The following KCNU1 variants were observed in gnomAD, a reference collection of about 807,000 sequenced individuals.
KCNU1 encodes the protein potassium calcium-activated channel subfamily U member 1.
In KCNU1, 93 loss-of-function variants were observed where a neutral mutation model predicts 126.8. The ratio of observed to expected loss-of-function variants is 0.73; its 90% CI spans 0.62 to 0.87. The LOEUF is 0.87. KCNU1 is among the 40% of genes least tolerant of loss of function. The pLI is 0.00. For missense variants in KCNU1, 1,330 were observed against 1,367.1 expected (o/e 0.97, Z 0.43); for synonymous variants, 523 against 494.2 (o/e 1.06, Z -0.77).
intron 10 of KCNU1, among the ~76,000 whole-genome samples, chr8:36,822,485 CTTG>C (rs1804166275): frequency 6.6e-6 from 1 of 152,062 alleles, no homozygotes; most frequent in Admixed American, 6.6e-5. Flanking sequence ...AAAATAATAA[CTTG>C]TTATTTAAGC....
Position 36,935,995 on chromosome 8 carries a change from G to A in KCNU1, c.*75G>A. 1 of 1,344,424 alleles carries A rather than the reference G, an allele frequency of 7.4e-7. No homozygotes were observed. Among genetic ancestry groups the A allele is most frequent in the Admixed American group, 2.4e-5 (1 of 41,970 alleles). The allele number at this position is 1,344,424 out of a possible 1,614,324, so 83.3% of individuals were successfully genotyped here. A position where few individuals can be genotyped will look rare whatever the true frequency, so the allele number is the denominator to read the frequency against. On this transcript the variant is annotated 3_prime_UTR_variant, in exon 27 of 27. Transcript: ENST00000399881. The stretch of plus-strand genomic sequence containing the variant: ...TCCTGAGATGCTAACTTTGAACAAA[G>A]AAAATAAGAATGGAAGCATGCCATT...
intron 9 of KCNU1, 41 bp from the exon 10 acceptor site, chr8:36,817,609 T>C (rs371216847): frequency 3.8e-5 from 38 of 1,001,330 alleles, no homozygotes; most frequent in Admixed American, 6.8e-5. Flanking sequence ...AAGGTGCTTA[T>C]GTGCCTCGGA....
chr8:36,889,835 A>G (rs1038771421), intron 19 of KCNU1, among the ~76,000 whole-genome samples: 6 of 152,064 alleles, frequency 3.9e-5, no homozygotes, highest in African/African-American at 1.4e-4. Flanking sequence ...TCAAACTGCT[A>G]AGAAAAAAAA....
intron 2 of KCNU1, among the ~76,000 whole-genome samples, chr8:36,798,936 AT>A (rs1803204067): frequency 1.3e-5 from 2 of 152,150 alleles, no homozygotes; most frequent in African/African-American, 2.4e-5. Context: ...CTCGTCAAAT[AT>A]TTTACAGAAT....
chr8:36,825,157 G>T (rs768401609), intron 10 of KCNU1, among the ~76,000 whole-genome samples: 22 of 151,976 alleles, frequency 1.4e-4, no homozygotes, highest in African/African-American at 5.1e-4. Context: ...CTTTTTAATC[G>T]TAGCCATTCT....
chr8:36,815,038 G>A (rs997295571), intron 8 of KCNU1, among the ~76,000 whole-genome samples: 12 of 152,016 alleles, frequency 7.9e-5, no homozygotes, highest in Non-Finnish European at 1.5e-4. Context: ...AGTTAGAAGC[G>A]ATAAAAAGAG....
At chr8:36,813,964 C>T (rs1204737450) in intron 7 of KCNU1, among the ~76,000 whole-genome samples, 1 of 152,124 alleles carries the variant, frequency 6.6e-6, no homozygotes, top group Non-Finnish European at 1.5e-5. Flanking sequence ...AAATGCTGTG[C>T]TGCAGCTACA....
intron 19 of KCNU1, chr8:36,888,472 C>T (rs1196636054): frequency 2.1e-6 from 1 of 487,542 alleles, no homozygotes; most frequent in Admixed American, 2.1e-5. Context: ...CTCCCTTCAG[C>T]CCCATCACGA....
intron 24 of KCNU1, among the ~76,000 whole-genome samples, chr8:36,926,349 T>C (rs1056147624): frequency 2.0e-5 from 3 of 152,112 alleles, no homozygotes; most frequent in African/African-American, 7.2e-5. Context: ...ATTTTCAAGT[T>C]TATTTTAGAG....
chr8:36,857,615 TTTG>T (rs1056826701), intron 18 of KCNU1, among the ~76,000 whole-genome samples: 13 of 137,436 alleles, frequency 9.5e-5, no homozygotes, highest in African/African-American at 3.0e-4. Flanking sequence ...TTTTTGTTTG[TTTG>T]TTGTTTGTTT....
chr8:36,837,087 G>C, intron 14 of KCNU1, 142 bp downstream of exon 14: 1 of 750,266 alleles, frequency 1.3e-6, no homozygotes, highest in East Asian at 2.5e-5. Context: ...GAAGGGATTA[G>C]AAGATCTGAA....
chr8:36,854,705 G>A (rs1230155108), intron 18 of KCNU1, among the ~76,000 whole-genome samples: 2 of 152,068 alleles, frequency 1.3e-5, no homozygotes, highest in African/African-American at 2.4e-5. Flanking sequence ...TCTTTGACTA[G>A]TAAGTACAAT....
intron 18 of KCNU1, among the ~76,000 whole-genome samples, chr8:36,857,852 G>C (rs998300163): frequency 3.3e-5 from 5 of 151,908 alleles, no homozygotes; most frequent in African/African-American, 1.2e-4. Context: ...CACCAGGTTG[G>C]CCAGGCTGCT....
At chr8:36,927,990 G>T (rs945191418) in intron 24 of KCNU1, among the ~76,000 whole-genome samples, 5 of 136,742 alleles carry the variant, frequency 3.7e-5, no homozygotes, top group African/African-American at 1.3e-4. Flanking sequence ...AAAGAAAGAT[G>T]GAAGGAAGGA....
chr8:36,930,879 C>T, intron 24 of KCNU1, 72 bp from the exon 25 acceptor site: 1 of 1,085,420 alleles, frequency 9.2e-7, no homozygotes, highest in Admixed American at 2.8e-5. Flanking sequence ...ACTAAATCTC[C>T]AAGCCTTTAC....
At chr8:36,895,929 A>G (rs551492521) in intron 19 of KCNU1, among the ~76,000 whole-genome samples, 66 of 152,152 alleles carry the variant, frequency 4.3e-4, no homozygotes, top group Non-Finnish European at 4.7e-4. Flanking sequence ...TTATTATAGA[A>G]TCTTATGCTC....
chr8:36,821,576 G>A (rs1165742370), intron 10 of KCNU1, among the ~76,000 whole-genome samples: 2 of 152,158 alleles, frequency 1.3e-5, no homozygotes, highest in Non-Finnish European at 2.9e-5. Flanking sequence ...ATGAGACTTT[G>A]GGAGGAAATG....
chr8:36,860,010 A>G (rs1415537386), intron 18 of KCNU1, among the ~76,000 whole-genome samples: 1 of 152,200 alleles, frequency 6.6e-6, no homozygotes, highest in Non-Finnish European at 1.5e-5. Flanking sequence ...TTTTTGATCA[A>G]TGAAATACAG....
rs371324890 is a variant in KCNU1, at chr8:36,817,679, T to C, written c.1025T>C (p.Val342Ala). The C allele has an allele frequency of 9.3e-6, 15 of 1,612,000 alleles. No homozygotes were observed. Among genetic ancestry groups the C allele is most frequent in the Admixed American group, 1.7e-5 (1 of 59,976 alleles). ...KFIVVCGNIT[V>A]DSVTAFLRNF... ...ATTGTGGTCTGTGGAAACATCACTGTGGACAGTGTGACCGCTTTCCTGAGG... is the reference window on the plus strand; with the variant it reads ...ATTGTGGTCTGTGGAAACATCACTGCGGACAGTGTGACCGCTTTCCTGAGG... The change falls in exon 10 of 27, where the codon GTG becomes GCG. Residue 342 changes from valine (V) to alanine (A), a missense_variant. By Grantham distance (64) the Val-to-Ala change is moderately conservative (BLOSUM62 0). Around this residue, in one of 3 missense-constraint regions of KCNU1, gnomAD observed 1,054 missense variants for 1,053.9 expected, o/e 1.00. Coordinates refer to ENST00000399881, the MANE Select transcript of KCNU1 (RefSeq NM_001031836.3).
Sources: allele counts gnomAD v4.1 joint callset (sites outside exome capture counted in the v4.1 genomes callset), GRCh38; gene constraint gnomAD v4.1.1; regional missense constraint gnomAD v4.1.1; transcripts MANE v1.5; gene names NCBI Gene and HGNC (gene_info 2026-07-23, HGNC 2026-07-21).